The following KIAA1217 variants were observed in gnomAD, a reference collection of about 807,000 sequenced individuals.
The protein encoded by KIAA1217 is KIAA1217, also known as sickle tail protein homolog.
In KIAA1217, 88 loss-of-function variants were observed where a neutral mutation model predicts 163.9. That is an observed-to-expected ratio of 0.54 (90% CI 0.45 to 0.64). The LOEUF is 0.64. Among genes scored for constraint, KIAA1217 ranks in the 30% least tolerant of loss-of-function variants. The probability of loss-of-function intolerance (pLI) is 0.00; values close to 1 mark genes in which losing one functional copy is unlikely to be tolerated. For missense variants in KIAA1217, 2,372 were observed against 2,475.0 expected, an observed-to-expected ratio of 0.96 and a Z score of 0.88; for synonymous variants, 903 against 923.1, an observed-to-expected ratio of 0.98 and a Z score of 0.39.
At chr10:23,995,481 TG>T (rs1846430772) in intron 1 of KIAA1217, among the ~76,000 whole-genome samples, 1 of 144,432 alleles carries the variant, frequency 6.9e-6, no homozygotes, top group Non-Finnish European at 1.5e-5. Flanking sequence ...TGTGTGTGTG[TG>T]AGTGTGTGTG....
chr10:23,819,080 G>A (rs1055289969), intron 1 of KIAA1217, among the ~76,000 whole-genome samples: 6 of 152,186 alleles, frequency 3.9e-5, no homozygotes, highest in African/African-American at 1.4e-4. Context: ...TCTTTAAATT[G>A]ATTAAGAAAG....
intron 2 of KIAA1217, among the ~76,000 whole-genome samples, chr10:24,025,305 T>C (rs1025410039): frequency 6.6e-6 from 1 of 151,722 alleles, no homozygotes; most frequent in African/African-American, 2.4e-5. Context: ...TGGTACCTTC[T>C]TCAAAAATCA....
At chr10:24,337,485 G>A (rs1332765478) in intron 2 of KIAA1217, among the ~76,000 whole-genome samples, 1 of 152,282 alleles carries the variant, frequency 6.6e-6, no homozygotes, top group South Asian at 2.1e-4. Flanking sequence ...TATTGGGTTG[G>A]TCTGCCCATG....
chr10:23,889,633 T>G (rs1841335692), intron 1 of KIAA1217, among the ~76,000 whole-genome samples: 1 of 151,926 alleles, frequency 6.6e-6, no homozygotes, highest in Non-Finnish European at 1.5e-5. Flanking sequence ...GACTAATGGT[T>G]TGCATTGTAT....
rs138378594 is a variant in KIAA1217 at position 23,765,540 on chromosome 10, T to A, written c.-321+70306T>A. ...TGCATTGACATGGTTTGGCTCTGTG[T>A]CCCCACCCAAATCTCATCTTGAATT... On this transcript the variant is annotated intron_variant, in intron 1 of 18. Coordinates refer to the KIAA1217 transcript ENST00000376462. Among the ~76,000 whole-genome samples the A allele has an allele frequency of 7.0e-3, 1,061 of 152,222 alleles. 19 individuals carry two copies. Among genetic ancestry groups the A allele is most frequent in the African/African-American group, 0.025 (1,018 of 41,512 alleles).
chr10:24,543,138 C>T lies in KIAA1217; in HGVS notation c.3868C>T (p.Gln1290Ter), dbSNP rs2075313167. The T allele has an allele frequency of 1.9e-6, 3 of 1,612,918 alleles. No individual in the cohort carries two copies. Among genetic ancestry groups the T allele is most frequent in the East Asian group, 4.5e-5 (2 of 44,836 alleles). ...CAAAGGGTCTAAAATCTCAGGCCTG[C>T]AATACTCTATACCTGACACCGAGAA... ...INKGSKISGL[Q>*]YSIPDTENQT... is the part of the protein sequence containing the mutation. Residue 1290 changes from glutamine (Q) to a stop codon, truncating the protein, a stop_gained, in exon 19 of 21, where the codon CAA (glutamine) becomes TAA (stop). Transcript: ENST00000376454. LOFTEE classifies it high-confidence loss of function.
At chr10:24,183,924 C>T (rs1237291353) in intron 2 of KIAA1217, among the ~76,000 whole-genome samples, 1 of 152,170 alleles carries the variant, frequency 6.6e-6, no homozygotes. Flanking sequence ...CCCCAATTCC[C>T]TCAAATACAT....
chr10:23,820,066 G>T, intron 1 of KIAA1217, among the ~76,000 whole-genome samples: 1 of 152,208 alleles, frequency 6.6e-6, no homozygotes, highest in Non-Finnish European at 1.5e-5. Flanking sequence ...TATATGTACA[G>T]AATTATTCAA....
chr10:23,899,339 AT>A (rs746956615), intron 1 of KIAA1217, among the ~76,000 whole-genome samples: 12 of 152,078 alleles, frequency 7.9e-5, no homozygotes, highest in Non-Finnish European at 1.3e-4. Flanking sequence ...TATTGTCAGA[AT>A]TTTTAATGCC....
intron 1 of KIAA1217, among the ~76,000 whole-genome samples, chr10:24,002,476 G>A (rs190285574): frequency 2.0e-4 from 31 of 152,166 alleles, no homozygotes; most frequent in East Asian, 1.9e-3. Flanking sequence ...GCTGTTCCAG[G>A]CCTCCTCAGA....
At chr10:23,833,495 A>C (rs983234106) in intron 1 of KIAA1217, among the ~76,000 whole-genome samples, 3 of 151,882 alleles carry the variant, frequency 2.0e-5, no homozygotes, top group Non-Finnish European at 4.4e-5. Context: ...AAAAAAAAAA[A>C]ACTAAGTAAA....
chr10:24,240,674 G>C (rs1039662580), intron 2 of KIAA1217, among the ~76,000 whole-genome samples: 1 of 152,160 alleles, frequency 6.6e-6, no homozygotes, highest in African/African-American at 2.4e-5. Flanking sequence ...GTAGCTAGCT[G>C]TGTTGTGAGG....
chr10:24,392,095 T>C (rs2055064251), intron 3 of KIAA1217, among the ~76,000 whole-genome samples: 2 of 152,276 alleles, frequency 1.3e-5, no homozygotes, highest in Middle Eastern at 3.4e-3. Flanking sequence ...TACAAGTAGC[T>C]GTTGGGTAAA....
intron 2 of KIAA1217, among the ~76,000 whole-genome samples, chr10:24,298,583 A>T (rs2132639078): frequency 6.6e-6 from 1 of 152,206 alleles, no homozygotes; most frequent in Admixed American, 6.5e-5. Context: ...GGATCACCTG[A>T]GGTCAGGAGT....
chr10:23,947,566 C>G (rs1191312091), intron 1 of KIAA1217, among the ~76,000 whole-genome samples: 2 of 152,242 alleles, frequency 1.3e-5, no homozygotes, highest in Non-Finnish European at 2.9e-5. Context: ...TTCCTCTCCT[C>G]TTTCTTTATT....
chr10:23,752,604 A>G (rs978919912), intron 1 of KIAA1217, among the ~76,000 whole-genome samples: 7 of 152,142 alleles, frequency 4.6e-5, no homozygotes, highest in Non-Finnish European at 1.0e-4. Context: ...ATAATTTTTG[A>G]ATTCATGCAA....
At chr10:23,734,082 A>G (rs1014347769) in intron 1 of KIAA1217, among the ~76,000 whole-genome samples, 2 of 152,066 alleles carry the variant, frequency 1.3e-5, no homozygotes, top group African/African-American at 4.8e-5. Context: ...ATTCTTTATT[A>G]TTATAATGCC....
chr10:23,803,062 T>G (rs1311683695), intron 1 of KIAA1217, among the ~76,000 whole-genome samples: 18 of 152,108 alleles, frequency 1.2e-4, no homozygotes, highest in Admixed American at 1.2e-3. Context: ...GTGTGCAAAC[T>G]CTCTATTTCC....
chr10:23,969,799 G>T (rs1438960916), intron 1 of KIAA1217, among the ~76,000 whole-genome samples: 2 of 152,138 alleles, frequency 1.3e-5, no homozygotes, highest in Admixed American at 6.5e-5. Flanking sequence ...AAGTTCAATT[G>T]TATTAGTCTA....
Sources: allele counts gnomAD v4.1 joint callset (sites outside exome capture counted in the v4.1 genomes callset), GRCh38; gene constraint gnomAD v4.1.1; transcripts MANE v1.5; gene names NCBI Gene and HGNC (gene_info 2026-07-23, HGNC 2026-07-21).